FIG4: variants seen among roughly 807,000 people sequenced by gnomAD.
FIG4 encodes the protein FIG4 phosphoinositide 5-phosphatase.
Under a neutral mutation model 118.6 loss-of-function variants are expected in FIG4, and 112 were observed. The ratio of observed to expected loss-of-function variants is 0.94; its 90% confidence interval spans 0.81 to 1.11. The LOEUF (loss-of-function observed/expected upper bound fraction) is 1.11. FIG4 is among the 50% of genes least tolerant of loss of function. The pLI, the probability that FIG4 is intolerant of heterozygous loss-of-function variation, is 0.00. For missense variants in FIG4, 969 were observed against 1,111.7 expected (o/e 0.87, Z 1.83); for synonymous variants, 369 against 381.2 (o/e 0.97, Z 0.37).
intron 15 of FIG4, 134 bp from the exon 16 acceptor site, chr6:109,776,788 T>C: frequency 2.8e-6 from 2 of 711,798 alleles, no homozygotes; most frequent in South Asian, 3.3e-5. Flanking sequence ...TGTGTGTGTG[T>C]ATGAAGTATT....
intron 1 of FIG4, among the ~76,000 whole-genome samples, chr6:109,704,937 T>C (rs1392005414): frequency 1.3e-5 from 2 of 152,132 alleles, no homozygotes; most frequent in Non-Finnish European, 2.9e-5. Context: ...TGTGTTACGA[T>C]ACCTGCAACT....
chr6:109,692,253 C>G (rs1774487099), intron 1 of FIG4, among the ~76,000 whole-genome samples: 1 of 152,192 alleles, frequency 6.6e-6, no homozygotes, highest in African/African-American at 2.4e-5. Flanking sequence ...TATAGCTCTT[C>G]TAAATTGGGG....
At chr6:109,734,372 C>T (rs917123675) in intron 5 of FIG4, among the ~76,000 whole-genome samples, 1 of 150,664 alleles carries the variant, frequency 6.6e-6, no homozygotes. Flanking sequence ...ACACACTATA[C>T]ATATATATAG....
intron 10 of FIG4, among the ~76,000 whole-genome samples, chr6:109,756,236 C>A (rs1221895019): frequency 9.9e-5 from 15 of 152,100 alleles, no homozygotes; most frequent in Non-Finnish European, 1.9e-4. Context: ...GTTGAAAATT[C>A]TTTTCTTTAA....
chr6:109,752,362 G>T lies in FIG4; in HGVS notation c.1138-7888G>T, dbSNP rs1776736232. ...CCTTTGGGTATATACCCAGTAATGG[G>T]ATGGCTGGGTCAAATGGTATTTCTA... On this transcript the variant is annotated intron_variant, in intron 10 of 22. Coordinates refer to ENST00000230124, the MANE Select transcript of FIG4 (RefSeq NM_014845.6). 2.0e-5 allele frequency among the ~76,000 whole-genome samples: 3 copies of T among 151,456 alleles called. No homozygotes were observed. The South Asian group carries it at 6.3e-4, about 32-fold the overall frequency.
At chr6:109,775,913 C>T (rs1176419831) in intron 15 of FIG4, among the ~76,000 whole-genome samples, 2 of 152,090 alleles carry the variant, frequency 1.3e-5, no homozygotes, top group Non-Finnish European at 2.9e-5. Flanking sequence ...ATATCTTGTT[C>T]GCTATAACTG....
chr6:109,701,312 C>T (rs1774900216), intron 1 of FIG4, among the ~76,000 whole-genome samples: 1 of 152,170 alleles, frequency 6.6e-6, no homozygotes, highest in African/African-American at 2.4e-5. Flanking sequence ...TGGCCCAGGC[C>T]TAACGCAGCA....
chr6:109,738,387 A>G lies in FIG4; in HGVS notation c.709A>G (p.Ile237Val). 1.2e-6 allele frequency: 2 copies of G among 1,611,492 alleles called. No homozygotes were observed. Among genetic ancestry groups the G allele is most frequent in the East Asian group, 4.5e-5 (2 of 44,810 alleles). Residue 237 changes from isoleucine (I) to valine (V), a missense_variant, in exon 7 of 23, where the codon ATA becomes GTA. Ile to Val is a conservative substitution (Grantham distance 29). This residue lies in a region of FIG4 where 393 missense variants were observed against 409.4 expected (regional missense o/e 0.96). Coordinates refer to ENST00000230124, the MANE Select transcript of FIG4 (RefSeq NM_014845.6). ...TGTATGGAATGGTGAACTTCTGGAT[A>G]TAATTAAAAGTACTGTGCATCGTGA... is the stretch of plus-strand genomic sequence containing the variant. ...KYVWNGELLD[I>V]IKSTVHRDWL...
intron 16 of FIG4, among the ~76,000 whole-genome samples, chr6:109,778,042 A>AT (rs1328312291): frequency 6.6e-6 from 1 of 152,110 alleles, no homozygotes. Flanking sequence ...CATGAACAAA[A>AT]TTTTTTACAT....
chr6:109,720,795 C>A (rs1273081141), intron 3 of FIG4, among the ~76,000 whole-genome samples: 2 of 152,200 alleles, frequency 1.3e-5, no homozygotes, highest in East Asian at 3.8e-4. Context: ...TATTACTGAC[C>A]TAGAGGGTTT....
chr6:109,764,132 T>C (rs1203912972), intron 13 of FIG4, 150 bp downstream of exon 13: 9 of 641,834 alleles, frequency 1.4e-5, no homozygotes, highest in Non-Finnish European at 2.4e-5. Context: ...TTCTAGTCTT[T>C]AATGCTTATG....
intron 18 of FIG4, among the ~76,000 whole-genome samples, chr6:109,788,548 T>G (rs1778050215): frequency 6.6e-6 from 1 of 152,206 alleles, no homozygotes; most frequent in Non-Finnish European, 1.5e-5. Flanking sequence ...TTTTCACCAC[T>G]CTGTACATGC....
rs1777130180 is a variant in FIG4, at chr6:109,762,175, T to C, written c.1356T>C (p.Asp452=). 3.7e-6 allele frequency: 6 copies of C among 1,611,982 alleles called. No homozygotes were observed. Among genetic ancestry groups the C allele is most frequent in the Non-Finnish European group, 5.1e-6 (6 of 1,178,048 alleles). Residue 452 remains aspartate, a synonymous_variant, in exon 12 of 23, where the codon GAT becomes GAC. Coordinates refer to ENST00000230124, the MANE Select transcript of FIG4 (RefSeq NM_014845.6). ...KKTGFFVNRP[D]SYCSILRPDE... is the part of the protein sequence containing the mutation. ...CAGGTTTCTTTGTAAACCGCCCTGATTCTTACTGTAGCATTTTGCGGCCAG... is the reference window on the plus strand; with the variant it reads ...CAGGTTTCTTTGTAAACCGCCCTGACTCTTACTGTAGCATTTTGCGGCCAG...
At chr6:109,702,669 C>T (rs1774940144) in intron 1 of FIG4, among the ~76,000 whole-genome samples, 2 of 49,462 alleles carry the variant, frequency 4.0e-5, no homozygotes, top group Non-Finnish European at 3.7e-5. Context: ...CCTTTCCTTC[C>T]CTATTCTTGG....
chr6:109,794,222 G>C (rs1239664108), intron 21 of FIG4, among the ~76,000 whole-genome samples: 1 of 152,200 alleles, frequency 6.6e-6, no homozygotes, highest in Non-Finnish European at 1.5e-5. Context: ...TTCTGTAGTA[G>C]ATTAAAAAGA....
At chr6:109,806,213 A>G (rs767745422) in intron 22 of FIG4, among the ~76,000 whole-genome samples, 1 of 152,196 alleles carries the variant, frequency 6.6e-6, no homozygotes, top group Admixed American at 6.6e-5. Context: ...TAAATCATGT[A>G]GGTGATTTAA....
At chr6:109,738,990 C>T (rs1255187425) in intron 7 of FIG4, among the ~76,000 whole-genome samples, 1 of 152,098 alleles carries the variant, frequency 6.6e-6, no homozygotes, top group East Asian at 1.9e-4. Flanking sequence ...CACCAGATTG[C>T]CTTGGTGGTC....
intron 10 of FIG4, among the ~76,000 whole-genome samples, chr6:109,759,040 T>C (rs978305446): frequency 2.6e-5 from 4 of 152,180 alleles, no homozygotes; most frequent in African/African-American, 9.7e-5. Flanking sequence ...GACAGTGTGG[T>C]GATTCCTCAA....
chr6:109,753,048 T>C (rs1346350211), intron 10 of FIG4, among the ~76,000 whole-genome samples: 2 of 152,220 alleles, frequency 1.3e-5, no homozygotes, highest in African/African-American at 4.8e-5. Flanking sequence ...TTTTCAGCTT[T>C]CTACATATGG....
Sources: gnomAD v4.1 joint callset for allele counts (sites outside exome capture counted in the v4.1 genomes callset) on GRCh38, gnomAD v4.1.1 for gene constraint, gnomAD v4.1.1 regional missense constraint, MANE v1.5 for transcripts, NCBI Gene and HGNC (gene_info 2026-07-23, HGNC 2026-07-21) for gene names.